Variants in IL1RAPL2 observed in about 807,000 individuals in gnomAD.
IL1RAPL2 encodes X-linked interleukin-1 receptor accessory protein-like 2.
Under a neutral mutation model 44.1 loss-of-function variants are expected in IL1RAPL2, and 3 were observed. The ratio of observed to expected loss-of-function variants is 0.07; its 90% CI spans 0.03 to 0.18. The LOEUF (loss-of-function observed/expected upper bound fraction) is 0.18, where lower values mean the gene tolerates loss of function less well. Ranked by LOEUF, IL1RAPL2 falls within the 10% of genes least tolerant of loss-of-function variation. IL1RAPL2 has a pLI of 1.00. For synonymous variants in IL1RAPL2, 181 were observed against 178.8 expected (o/e 1.01, Z -0.10); for missense variants, 391 against 496.4 (o/e 0.79, Z 2.02).
intron 5 of IL1RAPL2, among the ~76,000 whole-genome samples, chrX:105,311,416 C>A (rs1177807583): frequency 9.3e-6 from 1 of 107,699 alleles, no homozygotes; most frequent in Non-Finnish European, 1.9e-5. Flanking sequence ...ATTTTTTAGT[C>A]CTTCATTTTA....
At chrX:104,653,626 G>C (rs767809650) in intron 1 of IL1RAPL2, among the ~76,000 whole-genome samples, 1 of 111,318 alleles carries the variant, frequency 9.0e-6, no homozygotes, top group South Asian at 3.8e-4. Flanking sequence ...GGTGGCTTCA[G>C]ACATCAAACT....
intron 2 of IL1RAPL2, among the ~76,000 whole-genome samples, chrX:105,194,327 T>C (rs1314003536): frequency 1.8e-5 from 2 of 112,410 alleles, no homozygotes; most frequent in African/African-American, 3.2e-5. Context: ...GTGAAACATA[T>C]AATTTTAAAA....
intron 2 of IL1RAPL2, among the ~76,000 whole-genome samples, chrX:104,916,896 G>A (rs1412039818): frequency 6.3e-4 from 70 of 111,620 alleles, no homozygotes; most frequent in Non-Finnish European, 1.1e-3. Context: ...TATTGAACCA[G>A]CCTTGCATCC....
At chrX:104,809,740 C>T (rs1362993449) in intron 2 of IL1RAPL2, among the ~76,000 whole-genome samples, 1 of 110,265 alleles carries the variant, frequency 9.1e-6, no homozygotes, top group East Asian at 2.8e-4. Context: ...TAGTTAGATC[C>T]CATTTGTCAA....
At chrX:105,487,442 A>G (rs1191546867) in intron 6 of IL1RAPL2, among the ~76,000 whole-genome samples, 1 of 112,121 alleles carries the variant, frequency 8.9e-6, no homozygotes, top group African/African-American at 3.2e-5. Flanking sequence ...TTTACATTAG[A>G]TGTAAGGCTG....
At chrX:104,662,572 C>G (rs1433967314) in intron 2 of IL1RAPL2, among the ~76,000 whole-genome samples, 1 of 111,252 alleles carries the variant, frequency 9.0e-6, no homozygotes, top group Non-Finnish European at 1.9e-5. Flanking sequence ...ATGGCCATTT[C>G]TTTTTCCTGT....
chrX:105,287,945 G>A (rs2034583422), intron 5 of IL1RAPL2, among the ~76,000 whole-genome samples: 1 of 111,128 alleles, frequency 9.0e-6, no homozygotes, highest in Non-Finnish European at 1.9e-5. Context: ...AGTAGGGAAG[G>A]GAGTACAGAA....
At chrX:104,642,732 A>G (rs913561758) in intron 1 of IL1RAPL2, among the ~76,000 whole-genome samples, 2 of 111,346 alleles carry the variant, frequency 1.8e-5, no homozygotes, top group African/African-American at 6.5e-5. Flanking sequence ...TGGTCTGCCA[A>G]CCTCGGCCTC....
At chrX:104,613,073 CAG>C (rs1929196958) in intron 1 of IL1RAPL2, among the ~76,000 whole-genome samples, 2 of 112,092 alleles carry the variant, frequency 1.8e-5, no homozygotes, top group South Asian at 3.7e-4. Flanking sequence ...AATATTTTGA[CAG>C]AGTCTTTAGG....
chrX:105,198,777 T>C (rs1441953954), intron 3 of IL1RAPL2, among the ~76,000 whole-genome samples: 5 of 111,673 alleles, frequency 4.5e-5, no homozygotes, highest in African/African-American at 9.8e-5. Context: ...ACTGGTCAGA[T>C]AGTTTGTAGA....
chrX:104,669,186 G>A (rs1390074519), intron 2 of IL1RAPL2, among the ~76,000 whole-genome samples: 2 of 111,389 alleles, frequency 1.8e-5, no homozygotes, highest in Non-Finnish European at 3.8e-5. Context: ...CAATTTTCTT[G>A]ACCTTTACTC....
rs953939121 is a variant in IL1RAPL2, at chrX:104,840,421, C to G, written c.82+181426C>G. ...TGTTCTAATTTGATTGCACTGTGGT[C>G]TGAGAGACTGTTTGTTATGATTTCA... On this transcript the variant is annotated intron_variant, in intron 2 of 10. Transcript: ENST00000372582. 2.7e-5 allele frequency among the ~76,000 whole-genome samples: 3 copies of G among 111,751 alleles called. No homozygotes were observed. In the South Asian group the frequency reaches 1.1e-3, roughly 42 times the overall value.
chrX:104,992,712 A>G (rs972044742), intron 2 of IL1RAPL2, among the ~76,000 whole-genome samples: 5 of 110,560 alleles, frequency 4.5e-5, no homozygotes, highest in African/African-American at 1.6e-4. Flanking sequence ...TCTACTGAAT[A>G]TGAGTGTTTG....
intron 4 of IL1RAPL2, among the ~76,000 whole-genome samples, chrX:105,238,185 C>A (rs1248853237): frequency 8.9e-6 from 1 of 112,007 alleles, no homozygotes; most frequent in African/African-American, 3.2e-5. Context: ...AACAGTTGGC[C>A]ACATTTGATT....
At chrX:105,413,821 T>G (rs1356487083) in intron 5 of IL1RAPL2, among the ~76,000 whole-genome samples, 1 of 112,244 alleles carries the variant, frequency 8.9e-6, no homozygotes, top group African/African-American at 3.2e-5. Context: ...CCACATGTGC[T>G]AAATGAGCAC....
At chrX:104,882,188 A>G (rs1323363532) in intron 2 of IL1RAPL2, among the ~76,000 whole-genome samples, 1 of 112,148 alleles carries the variant, frequency 8.9e-6, no homozygotes, top group African/African-American at 3.2e-5. Flanking sequence ...CTGAAAAAAC[A>G]CGGAAGAATA....
At chrX:104,644,351 C>G (rs1205998374) in intron 1 of IL1RAPL2, among the ~76,000 whole-genome samples, 2 of 111,309 alleles carry the variant, frequency 1.8e-5, no homozygotes, top group African/African-American at 6.5e-5. Flanking sequence ...CCTCAAACCT[C>G]CAACTCTTCC....
intron 6 of IL1RAPL2, among the ~76,000 whole-genome samples, chrX:105,640,400 C>T (rs1262240365): frequency 9.3e-6 from 1 of 107,974 alleles, no homozygotes; most frequent in Non-Finnish European, 1.9e-5. Context: ...TATTTTCTTT[C>T]GTGTGGGAGC....
chrX:105,209,219 T>C (rs782277678), intron 3 of IL1RAPL2, among the ~76,000 whole-genome samples: 1 of 112,030 alleles, frequency 8.9e-6, no homozygotes, highest in Non-Finnish European at 1.9e-5. Context: ...ATTTTGACTT[T>C]GATCCCACAT....
Sources: allele counts gnomAD v4.1 joint callset (sites outside exome capture counted in the v4.1 genomes callset), GRCh38; gene constraint gnomAD v4.1.1; transcripts MANE v1.5; gene names NCBI Gene and HGNC (gene_info 2026-07-23, HGNC 2026-07-21).